Variants in ZFAT observed in about 807,000 individuals in gnomAD.
The protein encoded by ZFAT is zinc finger and AT-hook domain containing, also known as zinc finger protein ZFAT.
In ZFAT, 64 loss-of-function variants were observed where a neutral mutation model predicts 117.7. The observed-to-expected ratio is 0.54, with a 90% CI of 0.44 to 0.67. ZFAT has a LOEUF of 0.67. ZFAT is among the 30% of genes least tolerant of loss of function. ZFAT has a pLI of 0.00. For missense variants in ZFAT, 1,433 were observed against 1,584.5 expected (o/e 0.90, Z 1.62); for synonymous variants, 679 against 615.0 (o/e 1.10, Z -1.54).
At chr8:134,575,382 C>T (rs1825222329) in intron 10 of ZFAT, among the ~76,000 whole-genome samples, 1 of 152,122 alleles carries the variant, frequency 6.6e-6, no homozygotes, top group Non-Finnish European at 1.5e-5. Context: ...GTGATGGAAG[C>T]AGGGACAGAA....
chr8:134,653,544 C>T (rs2131185113), intron 2 of ZFAT, among the ~76,000 whole-genome samples: 1 of 146,982 alleles, frequency 6.8e-6, no homozygotes, highest in African/African-American at 2.5e-5. Flanking sequence ...GGATTACAGG[C>T]ATAAGCCATC....
intron 1 of ZFAT, among the ~76,000 whole-genome samples, chr8:134,701,851 C>T (rs1320741735): frequency 5.3e-5 from 8 of 152,214 alleles, no homozygotes; most frequent in Admixed American, 5.2e-4. Context: ...GCTTGCTATG[C>T]TTTCAATGTT....
chr8:134,723,625 A>G, the ZFAT span: 1 of 152,460 alleles, frequency 6.6e-6, no homozygotes, highest in African/African-American at 2.4e-5. Context: ...TTCCTGCCAG[A>G]GTCTCCCCTT....
the ZFAT span, among the ~76,000 whole-genome samples, chr8:134,729,924 C>T: frequency 6.6e-6 from 1 of 152,182 alleles, no homozygotes. Flanking sequence ...ATATTCAAAG[C>T]TGTGCTCCTA....
At chr8:134,674,997 G>A (rs1221376411) in intron 1 of ZFAT, 1 of 152,348 alleles carries the variant, frequency 6.6e-6, no homozygotes, top group African/African-American at 2.4e-5. Context: ...CGAAGATGTG[G>A]AGAAACCAGC....
intron 1 of ZFAT, among the ~76,000 whole-genome samples, chr8:134,667,236 G>A (rs1160352152): frequency 6.6e-6 from 1 of 152,174 alleles, no homozygotes; most frequent in Non-Finnish European, 1.5e-5. Flanking sequence ...GCTCACACCT[G>A]TAATCCCAGC....
At chr8:134,610,440 G>A (rs1407257301) in intron 4 of ZFAT, 30 bp downstream of exon 4, 1 of 1,601,648 alleles carries the variant, frequency 6.2e-7, no homozygotes, top group South Asian at 1.1e-5. Flanking sequence ...CAAGGGTCTT[G>A]CCTTTTCCTT....
rs559456971 is a variant in ZFAT at position 134,582,925 on chromosome 8, A to G, written c.2887+907T>C. ...TTATATATAATTTTGGTAAATAACA[A>G]TACATTTATAAAGTTTATTAATCTT... On this transcript the variant is annotated intron_variant, in intron 10 of 15. Coordinates refer to ENST00000377838, the MANE Select transcript of ZFAT (RefSeq NM_020863.4). 1.7e-3 allele frequency among the ~76,000 whole-genome samples: 252 copies of G among 152,324 alleles called. 1 individual carries two copies. Among genetic ancestry groups the G allele is most frequent in the Non-Finnish European group, 2.3e-3 (159 of 68,028 alleles).
At chr8:134,667,573 T>C (rs1051527655) in intron 1 of ZFAT, among the ~76,000 whole-genome samples, 1 of 145,056 alleles carries the variant, frequency 6.9e-6, no homozygotes, top group Admixed American at 6.9e-5. Flanking sequence ...CAAACCTTCA[T>C]GTTCTACACA....
chr8:134,537,790 T>C (rs1313245793), intron 11 of ZFAT, among the ~76,000 whole-genome samples: 2 of 151,900 alleles, frequency 1.3e-5, no homozygotes, highest in Non-Finnish European at 2.9e-5. Context: ...GGAATAAAAA[T>C]ATGGGAAAAG....
intron 15 of ZFAT, among the ~76,000 whole-genome samples, chr8:134,483,310 A>C (rs558331047): frequency 5.8e-4 from 89 of 152,178 alleles, no homozygotes; most frequent in Middle Eastern, 3.4e-3. Context: ...TGGCCTCGTG[A>C]CTTATGTAAG....
chr8:134,811,901 C>T, the ZFAT span, among the ~76,000 whole-genome samples: 3 of 152,178 alleles, frequency 2.0e-5, no homozygotes, highest in African/African-American at 7.2e-5. Flanking sequence ...CCTAGCACTT[C>T]GGGAGGCTGA....
chr8:134,697,255 G>A (rs555231853), intron 1 of ZFAT, among the ~76,000 whole-genome samples: 8 of 151,954 alleles, frequency 5.3e-5, no homozygotes, highest in East Asian at 3.9e-4. Context: ...CTGGGATTAC[G>A]GGCACCCGCC....
intron 9 of ZFAT, among the ~76,000 whole-genome samples, chr8:134,584,389 G>A (rs1187446729): frequency 6.6e-6 from 1 of 152,172 alleles, no homozygotes; most frequent in Non-Finnish European, 1.5e-5. Flanking sequence ...TCTCCCCACA[G>A]TCTGGGAACT....
chr8:134,588,501 C>T (rs149370251), intron 8 of ZFAT, 106 bp from the exon 9 acceptor site: 4 of 1,241,426 alleles, frequency 3.2e-6, no homozygotes, highest in African/African-American at 1.5e-5. Context: ...TCAAGGTGTG[C>T]CTCATGGTGT....
rs146570197 is a variant in ZFAT, at chr8:134,532,257, A to T, written c.3115+577T>A. On this transcript the variant is annotated intron_variant, in intron 12 of 15. Transcript: ENST00000377838. ...TTTCTTTTCAGGATGAATAAGTAACAAGCTTACTTAATAAATATTTTTAGA... is the reference window on the plus strand; with the variant it reads ...TTTCTTTTCAGGATGAATAAGTAACTAGCTTACTTAATAAATATTTTTAGA... Among the ~76,000 whole-genome samples, 874 of 152,324 alleles carry T rather than the reference A, an allele frequency of 5.7e-3. 6 individuals are homozygous for T. The highest frequency in any genetic ancestry group is 0.019 in the African/African-American group (783 of 41,554).
At chr8:134,756,832 G>T in the ZFAT span, among the ~76,000 whole-genome samples, 1 of 152,166 alleles carries the variant, frequency 6.6e-6, no homozygotes, top group African/African-American at 2.4e-5. Context: ...CTCCACAAGC[G>T]CAGTTGCTGT....
chr8:134,690,754 A>G (rs1456486777), intron 1 of ZFAT, among the ~76,000 whole-genome samples: 2 of 152,236 alleles, frequency 1.3e-5, no homozygotes, highest in African/African-American at 4.8e-5. Flanking sequence ...ACCAAAATAC[A>G]AAATAAATAT....
At chr8:134,627,922 C>T (rs560964370) in intron 3 of ZFAT, among the ~76,000 whole-genome samples, 27 of 152,286 alleles carry the variant, frequency 1.8e-4, no homozygotes, top group African/African-American at 5.5e-4. Context: ...GGGAACCAGG[C>T]CGTGGTGCAA....
Sources: allele counts gnomAD v4.1 joint callset (sites outside exome capture counted in the v4.1 genomes callset), GRCh38; gene constraint gnomAD v4.1.1; transcripts MANE v1.5; gene names NCBI Gene and HGNC (gene_info 2026-07-23, HGNC 2026-07-21).